The following PRR16 variants were observed in gnomAD, a reference collection of about 807,000 sequenced individuals.
PRR16 encodes proline rich 16, also known as protein Largen.
Under a neutral mutation model 18.2 loss-of-function variants are expected in PRR16, and 6 were observed. The observed-to-expected ratio is 0.33, with a 90% CI of 0.18 to 0.65. PRR16 has a LOEUF of 0.65. Among genes scored for constraint, PRR16 ranks in the 30% least tolerant of loss-of-function variants. The probability of loss-of-function intolerance (pLI) is 0.74; values close to 1 mark genes in which losing one functional copy is unlikely to be tolerated. For missense variants in PRR16, 412 were observed against 376.6 expected (o/e 1.09, Z -0.78); for synonymous variants, 151 against 147.8 (o/e 1.02, Z -0.16).
At chr5:120,506,074 T>C (rs2112850082) in intron 1 of PRR16, among the ~76,000 whole-genome samples, 1 of 151,864 alleles carries the variant, frequency 6.6e-6, no homozygotes, top group East Asian at 1.9e-4. Context: ...TTTCTTGCCT[T>C]CAGAACTTAA....
chr5:120,780,833 C>T, the PRR16 span, among the ~76,000 whole-genome samples: 1 of 152,084 alleles, frequency 6.6e-6, no homozygotes, highest in South Asian at 2.1e-4. Context: ...GGGGGAATCG[C>T]GAGGTCAGGA....
At chr5:120,694,748 A>T in the PRR16 span, among the ~76,000 whole-genome samples, 34 of 152,266 alleles carry the variant, frequency 2.2e-4, no homozygotes, top group African/African-American at 7.7e-4. Context: ...AACTGTTTTG[A>T]CAAGTGTAGC....
At chr5:120,773,039 G>C in the PRR16 span, among the ~76,000 whole-genome samples, 1 of 152,018 alleles carries the variant, frequency 6.6e-6, no homozygotes, top group African/African-American at 2.4e-5. Context: ...TATAGATATT[G>C]CTATAGCATG....
At chr5:120,730,512 T>C in the PRR16 span, among the ~76,000 whole-genome samples, 2 of 152,106 alleles carry the variant, frequency 1.3e-5, no homozygotes, top group African/African-American at 4.8e-5. Context: ...TTGATAAAAA[T>C]TAACCAGTGA....
chr5:120,667,522 T>C (rs1441236534), intron 1 of PRR16, among the ~76,000 whole-genome samples: 5 of 151,288 alleles, frequency 3.3e-5, no homozygotes, highest in Non-Finnish European at 7.4e-5. Context: ...GCTCTTGCTT[T>C]TCTAGTTCTT....
At chr5:120,604,852 T>C (rs1157089741) in intron 1 of PRR16, among the ~76,000 whole-genome samples, 1 of 152,208 alleles carries the variant, frequency 6.6e-6, no homozygotes, top group Non-Finnish European at 1.5e-5. Context: ...GGATGCTGAA[T>C]ATAGGCTCCC....
At chr5:120,762,835 G>A in the PRR16 span, among the ~76,000 whole-genome samples, 1 of 152,074 alleles carries the variant, frequency 6.6e-6, no homozygotes, top group Non-Finnish European at 1.5e-5. Context: ...TGAGGTCTTA[G>A]CCATAATATT....
chr5:120,769,952 GATA>G, the PRR16 span, among the ~76,000 whole-genome samples: 2 of 151,802 alleles, frequency 1.3e-5, no homozygotes, highest in Non-Finnish European at 2.9e-5. Flanking sequence ...TCATTTCTTT[GATA>G]ATGAGGTTGA....
intron 1 of PRR16, among the ~76,000 whole-genome samples, chr5:120,567,613 G>A (rs371351000): frequency 2.6e-5 from 4 of 151,988 alleles, no homozygotes; most frequent in Non-Finnish European, 4.4e-5. Context: ...TCATGGGGGC[G>A]GATTTCCCAC....
chr5:120,642,912 A>G (rs1375506398), intron 1 of PRR16, among the ~76,000 whole-genome samples: 4 of 152,068 alleles, frequency 2.6e-5, no homozygotes, highest in Admixed American at 6.6e-5. Flanking sequence ...GGTGAGGCCA[A>G]TTGCTGGTTT....
chr5:120,667,328 A>G (rs1756423227), intron 1 of PRR16, among the ~76,000 whole-genome samples: 1 of 139,972 alleles, frequency 7.1e-6, no homozygotes, highest in Non-Finnish European at 1.6e-5. Flanking sequence ...TATTGTGTCT[A>G]TTTGATTCTT....
chr5:120,632,484 A>G (rs1353797474), intron 1 of PRR16, among the ~76,000 whole-genome samples: 1 of 152,142 alleles, frequency 6.6e-6, no homozygotes, highest in Admixed American at 6.5e-5. Context: ...AAAACATGAT[A>G]CAAGATATAA....
At chr5:120,628,298 A>G (rs1189236439) in intron 1 of PRR16, among the ~76,000 whole-genome samples, 1 of 152,012 alleles carries the variant, frequency 6.6e-6, no homozygotes, top group Non-Finnish European at 1.5e-5. Context: ...AGTTATATTT[A>G]TTTATTTTGT....
At chr5:120,730,945 G>A in the PRR16 span, among the ~76,000 whole-genome samples, 8 of 152,186 alleles carry the variant, frequency 5.3e-5, no homozygotes, top group Admixed American at 3.3e-4. Context: ...TCTAAAAACT[G>A]TTCATATGGT....
intron 1 of PRR16, among the ~76,000 whole-genome samples, chr5:120,610,400 ATAAAACT>A (rs1246846234): frequency 6.6e-6 from 1 of 150,958 alleles, no homozygotes; most frequent in Non-Finnish European, 1.5e-5. Context: ...TTTAAAATAA[ATAAAACT>A]TAAAGCTAAA....
chr5:120,502,491 A>G (rs1038143423), intron 1 of PRR16, among the ~76,000 whole-genome samples: 12 of 151,900 alleles, frequency 7.9e-5, no homozygotes, highest in African/African-American at 2.9e-4. Context: ...GTTCTTTTAT[A>G]TCTTCTATGT....
chr5:120,767,064 C>G, the PRR16 span, among the ~76,000 whole-genome samples: 1 of 151,882 alleles, frequency 6.6e-6, no homozygotes, highest in Non-Finnish European at 1.5e-5. Flanking sequence ...TTAAGTTACT[C>G]CACTTACATT....
intron 1 of PRR16, among the ~76,000 whole-genome samples, chr5:120,620,154 C>T (rs954824964): frequency 2.0e-5 from 3 of 151,938 alleles, no homozygotes; most frequent in African/African-American, 4.8e-5. Context: ...GGAAAGAAGA[C>T]GAAAAATGCA....
intron 1 of PRR16, among the ~76,000 whole-genome samples, chr5:120,540,616 C>G (rs1199542559): frequency 3.9e-5 from 6 of 152,092 alleles, no homozygotes. Context: ...TTGGTCTGTC[C>G]TGACCAACTC....
Sources: allele counts gnomAD v4.1 joint callset (sites outside exome capture counted in the v4.1 genomes callset), GRCh38; gene constraint gnomAD v4.1.1; transcripts MANE v1.5; gene names NCBI Gene and HGNC (gene_info 2026-07-23, HGNC 2026-07-21).